MICU1: variants seen among roughly 807,000 people sequenced by gnomAD.
MICU1 encodes calcium uptake protein 1, mitochondrial.
Under a neutral mutation model 56.8 loss-of-function variants are expected in MICU1, and 45 were observed. The ratio of observed to expected loss-of-function variants is 0.79; its 90% CI spans 0.62 to 1.02. MICU1 has a LOEUF of 1.02. Among genes scored for constraint, MICU1 ranks in the 50% least tolerant of loss-of-function variants. The probability of loss-of-function intolerance (pLI) is 0.00; values close to 1 mark genes in which losing one functional copy is unlikely to be tolerated. For missense variants in MICU1, 504 were observed against 587.1 expected, an observed-to-expected ratio of 0.86 and a Z score of 1.46; for synonymous variants, 186 against 195.1, an observed-to-expected ratio of 0.95 and a Z score of 0.39.
chr10:72,399,225 C>A (rs1863367375), intron 10 of MICU1, among the ~76,000 whole-genome samples: 3 of 151,952 alleles, frequency 2.0e-5, no homozygotes, highest in Admixed American at 2.0e-4. Context: ...GAAAACCAAA[C>A]ACCGCATGTT....
chr10:72,432,348 T>C (rs748236648), intron 8 of MICU1, among the ~76,000 whole-genome samples: 3 of 152,186 alleles, frequency 2.0e-5, no homozygotes, highest in African/African-American at 7.2e-5. Context: ...CAGGATGGTC[T>C]CAAACTCCTG....
chr10:72,570,538 C>T (rs1454526128), intron 1 of MICU1, among the ~76,000 whole-genome samples: 2 of 152,200 alleles, frequency 1.3e-5, no homozygotes, highest in African/African-American at 2.4e-5. Context: ...GGTTAGACTA[C>T]TTAGGCATCT....
intron 4 of MICU1, among the ~76,000 whole-genome samples, chr10:72,545,237 A>G (rs1386819401): frequency 2.6e-5 from 4 of 152,240 alleles, no homozygotes; most frequent in East Asian, 1.9e-4. Flanking sequence ...TCATTTCAAT[A>G]TATCAGACTT....
chr10:72,448,129 G>GTA lies in MICU1; in HGVS notation c.934-24759_934-24758insTA, dbSNP rs1228693216. On this transcript the variant is annotated intron_variant, in intron 8 of 11. Coordinates refer to ENST00000361114, the MANE Select transcript of MICU1 (RefSeq NM_001195518.2). Reference sequence around the variant, plus strand: ...GGAAAAAGTTTATATATATGTGTGTGTGTGTGTGTGTGTGTGTGTGTCTGT... The same window carrying GTA: ...GGAAAAAGTTTATATATATGTGTGTGTATGTGTGTGTGTGTGTGTGTGTCTGT... Among the ~76,000 whole-genome samples, 18 of 132,696 alleles carry GTA rather than the reference G, an allele frequency of 1.4e-4. 1 individual carries two copies. Among genetic ancestry groups the GTA allele is most frequent in the Non-Finnish European group, 2.6e-4 (16 of 62,060 alleles). The allele number at this position is 132,696 out of a possible 152,430, so 87.1% of individuals were successfully genotyped here.
At chr10:72,524,214 G>C (rs763018327) in intron 5 of MICU1, among the ~76,000 whole-genome samples, 4 of 152,058 alleles carry the variant, frequency 2.6e-5, no homozygotes, top group African/African-American at 4.8e-5. Context: ...TCCAACTCCT[G>C]GGATCAAGCG....
chr10:72,533,826 A>T lies in MICU1; in HGVS notation c.494-37T>A, dbSNP rs10509343. On this transcript the variant is annotated intron_variant, in intron 4 of 11. Transcript: ENST00000361114. ...AAGGAAAAAACATTTAGCTACTGAT[A>T]ATAACTCAAGTGAAATTTATAAAAT... 901,316 of 1,409,988 alleles carry T rather than the reference A, an allele frequency of 0.64. 300,100 individuals carry two copies. Among genetic ancestry groups the T allele is most frequent in the African/African-American group, 0.72 (50,182 of 69,754 alleles). 87.3% of individuals were successfully genotyped at this position (1,409,988 alleles called of 1,614,324 possible).
chr10:72,519,657 G>C (rs1003641822), intron 5 of MICU1, among the ~76,000 whole-genome samples: 6 of 152,182 alleles, frequency 3.9e-5, no homozygotes, highest in African/African-American at 1.4e-4. Flanking sequence ...CCAGACTCAT[G>C]AGCGCTAAGT....
At chr10:72,430,245 T>C (rs1261729482) in intron 8 of MICU1, among the ~76,000 whole-genome samples, 4 of 152,168 alleles carry the variant, frequency 2.6e-5, no homozygotes, top group Non-Finnish European at 5.9e-5. Flanking sequence ...AAAGGCAAGA[T>C]TTAAAAAAAT....
At chr10:72,418,148 C>T (rs1437729792) in intron 9 of MICU1, among the ~76,000 whole-genome samples, 1 of 152,292 alleles carries the variant, frequency 6.6e-6, no homozygotes. Context: ...ATTATCTCCA[C>T]CTGTTCCCTC....
At chr10:72,557,725 C>G (rs1363987193) in intron 3 of MICU1, among the ~76,000 whole-genome samples, 1 of 152,144 alleles carries the variant, frequency 6.6e-6, no homozygotes, top group Non-Finnish European at 1.5e-5. Context: ...TGTCTACATA[C>G]ACACTCACAC....
intron 7 of MICU1, among the ~76,000 whole-genome samples, chr10:72,476,816 A>G (rs1045755201): frequency 2.6e-5 from 4 of 152,198 alleles, no homozygotes; most frequent in African/African-American, 9.7e-5. Flanking sequence ...AAATCCTTTA[A>G]GAAAATATGT....
chr10:72,613,941 T>C (rs751238517), intron 1 of MICU1, among the ~76,000 whole-genome samples: 8 of 152,068 alleles, frequency 5.3e-5, no homozygotes, highest in Admixed American at 2.6e-4. Context: ...GGTCACGAGT[T>C]CAAGACCAGC....
intron 7 of MICU1, among the ~76,000 whole-genome samples, chr10:72,476,134 G>A (rs1195155239): frequency 6.6e-6 from 1 of 150,916 alleles, no homozygotes; most frequent in Non-Finnish European, 1.5e-5. Flanking sequence ...GGCTGAGGCA[G>A]GAGAATCACT....
rs1013703307 is a variant in MICU1 at position 72,523,769 on chromosome 10, G to A, written c.537+9977C>T. ...ATAATTTATAAACTACCATTAAAGA[G>A]CCCAAGCCTTCAAAGATCAATTTAA... On this transcript the variant is annotated intron_variant, in intron 5 of 11. Transcript: ENST00000361114. The A allele has an allele frequency of 6.5e-6, 9 of 1,389,680 alleles. No homozygotes were observed. The East Asian group carries it at 1.3e-4, about 20-fold the overall frequency. 86.1% of individuals were successfully genotyped at this position (1,389,680 alleles called of 1,614,324 possible).
chr10:72,491,953 A>G (rs185150320), intron 6 of MICU1, among the ~76,000 whole-genome samples: 116 of 152,344 alleles, frequency 7.6e-4, no homozygotes, highest in Middle Eastern at 3.4e-3. Flanking sequence ...TTAAAAAACC[A>G]TTAGAGGGCT....
At chr10:72,550,689 GT>G (rs1840014105) in intron 4 of MICU1, among the ~76,000 whole-genome samples, 1 of 152,270 alleles carries the variant, frequency 6.6e-6, no homozygotes, top group Non-Finnish European at 1.5e-5. Flanking sequence ...AAACATAGGT[GT>G]TTATAACTAT....
At chr10:72,607,395 C>T (rs2132559185) in intron 1 of MICU1, among the ~76,000 whole-genome samples, 1 of 149,390 alleles carries the variant, frequency 6.7e-6, no homozygotes, top group South Asian at 2.1e-4. Flanking sequence ...AATCCCACCA[C>T]TTGGGGAGGC....
rs1189299520 is a variant in MICU1, at chr10:72,385,487, C to CA, written c.1181-9616dup. ...CCTAGGTGACAGAGCAAGACTGTCT[C>CA]AAAAAAAACCAACCAAACAAACAAA... is the stretch of plus-strand genomic sequence containing the variant. On this transcript the variant is annotated intron_variant, in intron 10 of 11. Coordinates refer to ENST00000361114, the MANE Select transcript of MICU1 (RefSeq NM_001195518.2). 8.6e-5 allele frequency among the ~76,000 whole-genome samples: 13 copies of CA among 151,258 alleles called. No individual in the cohort carries two copies. In the South Asian group the frequency reaches 1.3e-3, roughly 15 times the overall value.
chr10:72,368,727 G>A (rs1016808092), intron 11 of MICU1, among the ~76,000 whole-genome samples: 2 of 152,104 alleles, frequency 1.3e-5, no homozygotes, highest in Non-Finnish European at 2.9e-5. Flanking sequence ...GGGGCACAGA[G>A]GAAGAATCTC....
Sources: gnomAD v4.1 joint callset for allele counts (sites outside exome capture counted in the v4.1 genomes callset) on GRCh38, gnomAD v4.1.1 for gene constraint, MANE v1.5 for transcripts, NCBI Gene and HGNC (gene_info 2026-07-23, HGNC 2026-07-21) for gene names.